HERC2: variants seen among roughly 807,000 people sequenced by gnomAD.
HERC2 encodes E3 ubiquitin-protein ligase HERC2.
Under a neutral mutation model 537.7 loss-of-function variants are expected in HERC2, and 102 were observed. The observed-to-expected ratio is 0.19, with a 90% CI of 0.16 to 0.22. HERC2 has a LOEUF of 0.22. Among genes scored for constraint, HERC2 ranks in the 10% least tolerant of loss-of-function variants. The pLI is 1.00. For missense variants in HERC2, 4,236 were observed against 6,198.2 expected (o/e 0.68, Z 10.63); for synonymous variants, 2,224 against 2,466.2 (o/e 0.90, Z 2.91).
intron 44 of HERC2, among the ~76,000 whole-genome samples, chr15:28,208,750 G>A (rs1567015330): frequency 6.6e-6 from 1 of 152,168 alleles, no homozygotes; most frequent in Non-Finnish European, 1.5e-5. Flanking sequence ...GTGCTTGTCT[G>A]CTGGCATCTG....
rs753959898 is a variant in HERC2 at position 28,270,877 on chromosome 15, G to A, written c.1084-9C>T. 6.2e-7 allele frequency: 1 copy of A among 1,611,684 alleles called. No homozygotes were observed. Among genetic ancestry groups the A allele is most frequent in the South Asian group, 1.1e-5 (1 of 90,760 alleles). ...AGAGGGCCAGACAAAAGCTAGAAAG[G>A]AAAAGTAAACAAAAATTCAGAAATG... On this transcript the variant is annotated splice_polypyrimidine_tract_variant and intron_variant, in intron 9 of 92. Transcript: ENST00000261609.
At position 28,124,997 on chromosome 15, in the gene HERC2, C is replaced by G. The variant is rs375294632; in HGVS notation, c.12990+9G>C. ...TTGCCCCCGACCCACCCAACCTGCC[C>G]GGACTCACCTGTGCAGGGAGTTTGC... On this transcript the variant is annotated intron_variant, in intron 84 of 92. Transcript: ENST00000261609. 7 of 1,586,396 alleles carry G rather than the reference C, an allele frequency of 4.4e-6. No individual in the cohort carries two copies. Among genetic ancestry groups the G allele is most frequent in the South Asian group, 1.1e-5 (1 of 90,296 alleles).
intron 86 of HERC2, chr15:28,117,604 C>T: frequency 2.2e-6 from 1 of 458,440 alleles, no homozygotes; most frequent in South Asian, 1.6e-5. Flanking sequence ...AGACTCCCGG[C>T]ACTCAAAGAT....
chr15:28,314,177 A>C (rs558383327), intron 2 of HERC2, among the ~76,000 whole-genome samples: 23 of 152,348 alleles, frequency 1.5e-4, no homozygotes, highest in African/African-American at 5.5e-4. Flanking sequence ...AGTCAAGCAA[A>C]TATAATAATG....
intron 67 of HERC2, among the ~76,000 whole-genome samples, chr15:28,168,030 C>T (rs539286544): frequency 6.6e-6 from 1 of 152,276 alleles, no homozygotes; most frequent in South Asian, 2.1e-4. Flanking sequence ...CAAAGTCAAG[C>T]ACATTCATAT....
At chr15:28,232,475 G>A (rs111973847) in intron 30 of HERC2, among the ~76,000 whole-genome samples, 1 of 151,896 alleles carries the variant, frequency 6.6e-6, no homozygotes, top group Non-Finnish European at 1.5e-5. Flanking sequence ...TTTGAACCTG[G>A]GAGGCGGAGG....
At chr15:28,270,310 A>AT (rs975311907) in intron 10 of HERC2, among the ~76,000 whole-genome samples, 1 of 151,204 alleles carries the variant, frequency 6.6e-6, no homozygotes, top group Non-Finnish European at 1.5e-5. Flanking sequence ...AATATATAAT[A>AT]TATAACATAT....
intron 30 of HERC2, among the ~76,000 whole-genome samples, chr15:28,231,967 C>A (rs1387739762): frequency 2.0e-5 from 3 of 152,164 alleles, no homozygotes; most frequent in East Asian, 1.9e-4. Context: ...GTCTCTCTCC[C>A]TCATGCCGAG....
intron 2 of HERC2, among the ~76,000 whole-genome samples, chr15:28,310,315 C>T (rs1048210142): frequency 2.0e-4 from 31 of 152,044 alleles, no homozygotes; most frequent in Non-Finnish European, 3.1e-4. Context: ...GAGGTGGTGG[C>T]GCGCCTGTAC....
chr15:28,321,285 C>T, intron 2 of HERC2, 77 bp downstream of exon 2: 1 of 640,060 alleles, frequency 1.6e-6, no homozygotes, highest in Non-Finnish European at 2.8e-6. Flanking sequence ...CCTTACATAC[C>T]CTAAAAAAAA....
At chr15:28,241,564 G>A (rs1187960475) in intron 23 of HERC2, among the ~76,000 whole-genome samples, 3 of 152,160 alleles carry the variant, frequency 2.0e-5, no homozygotes, top group African/African-American at 4.8e-5. Context: ...GCTCCCTCCC[G>A]TAATCCCATC....
intron 86 of HERC2, chr15:28,117,915 C>A: frequency 3.7e-6 from 1 of 267,100 alleles, no homozygotes; most frequent in Non-Finnish European, 7.3e-6. Context: ...TCTGGGAAGC[C>A]CAGTCTGGAA....
At chr15:28,249,830 T>C (rs1169698888) in intron 20 of HERC2, among the ~76,000 whole-genome samples, 2 of 151,626 alleles carry the variant, frequency 1.3e-5, no homozygotes, top group African/African-American at 2.4e-5. Context: ...TTTTTTTTTT[T>C]TTTTAAGTGG....
chr15:28,149,745 C>A (rs546353582), intron 70 of HERC2, among the ~76,000 whole-genome samples: 3 of 151,408 alleles, frequency 2.0e-5, no homozygotes, highest in Admixed American at 2.0e-4. Context: ...AAAAAACACA[C>A]GCGACTTCCA....
At chr15:28,228,142 AAAG>A in intron 35 of HERC2, 73 bp downstream of exon 35, 9 of 1,281,194 alleles carry the variant, frequency 7.0e-6, no homozygotes, top group East Asian at 2.5e-5. Flanking sequence ...AAAAAAAAAA[AAAG>A]AAAAGAAAAG....
At chr15:28,245,746 A>AT in intron 23 of HERC2, 135 bp downstream of exon 23, 1 of 804,862 alleles carries the variant, frequency 1.2e-6, no homozygotes, top group Non-Finnish European at 2.0e-6. Context: ...GATTATCTCC[A>AT]TTTTTTACTT....
At chr15:28,132,852 T>C (rs141212514) in intron 79 of HERC2, 22 bp from the exon 80 acceptor site, 34,456 of 1,506,520 alleles carry the variant, frequency 0.023, 531 homozygotes, top group Non-Finnish European at 0.026. Context: ...TCACCAAATA[T>C]AATGGAAACA....
Position 28,169,496 on chromosome 15 carries a change from A to G in HERC2, c.10217T>C (p.Ile3406Thr), listed in dbSNP as rs371780167. The change falls in exon 66 of 93, where the codon ATC (isoleucine) becomes ACC (threonine). Residue 3406 changes from isoleucine to threonine, a missense_variant. Transcript: ENST00000261609. ...CACAGAAGCCTACCTGGCATACATG[A>G]TTTGCAATGCTGTAAGAATATGTGA... is the stretch of plus-strand genomic sequence containing the variant. ...ALSHILTALQ[I>T]MYARDAVVGA... 2.5e-6 allele frequency: 4 copies of G among 1,589,118 alleles called. No individual in the cohort carries two copies. The highest frequency in any genetic ancestry group is 3.4e-6 in the Non-Finnish European group (4 of 1,166,224).
At chr15:28,258,073 A>C (rs1296615542) in intron 16 of HERC2, among the ~76,000 whole-genome samples, 1 of 152,226 alleles carries the variant, frequency 6.6e-6, no homozygotes, top group Non-Finnish European at 1.5e-5. Flanking sequence ...TTTAAAAGAA[A>C]TGAAATCATA....
Sources: allele counts gnomAD v4.1 joint callset (sites outside exome capture counted in the v4.1 genomes callset), GRCh38; gene constraint gnomAD v4.1.1; transcripts MANE v1.5; gene names NCBI Gene and HGNC (gene_info 2026-07-23, HGNC 2026-07-21).